Variants in DOCK8 observed in about 807,000 individuals in gnomAD.
DOCK8 encodes dedicator of cytokinesis 8.
Under a neutral mutation model 245.6 loss-of-function variants are expected in DOCK8, and 141 were observed. That is an observed-to-expected ratio of 0.57 (90% CI 0.50 to 0.66). DOCK8 has a LOEUF of 0.66. Among genes scored for constraint, DOCK8 ranks in the 30% least tolerant of loss-of-function variants. The probability of loss-of-function intolerance (pLI) is 0.00; values close to 1 mark genes in which losing one functional copy is unlikely to be tolerated. For missense variants in DOCK8, 2,965 were observed against 2,603.4 expected, an observed-to-expected ratio of 1.14 and a Z score of -3.02; for synonymous variants, 1,168 against 970.2, an observed-to-expected ratio of 1.20 and a Z score of -3.79.
chr9:449,328 C>T (rs10814959), intron 44 of DOCK8, among the ~76,000 whole-genome samples: 92,765 of 151,698 alleles, frequency 0.61, 30,419 homozygotes, highest in East Asian at 0.99. Context: ...CCAGCCTAGA[C>T]AACAAGAGCA....
intron 24 of DOCK8, among the ~76,000 whole-genome samples, chr9:391,821 C>CTT (rs373810616): frequency 1.1e-4 from 13 of 116,250 alleles, no homozygotes; most frequent in East Asian, 2.6e-4. Flanking sequence ...TTAAGTGAAT[C>CTT]TTTTTTTTTT....
chr9:441,557 G>A, intron 41 of DOCK8, 140 bp downstream of exon 41: 1 of 1,342,462 alleles, frequency 7.4e-7, no homozygotes, highest in Non-Finnish European at 1.0e-6. Flanking sequence ...AAACAGAAAA[G>A]GGCTGAAATT....
Position 334,401 on chromosome 9 carries a change from C to T in DOCK8, c.1285+17C>T, listed in dbSNP as rs749479613. On this transcript the variant is annotated intron_variant, in intron 11 of 47. Transcript: ENST00000432829. ...CTGTGGTTGGTAAGATTTTCACCTG[C>T]AGTGGGAAAGGGAGGGCTCCCCAGT... The T allele has an allele frequency of 1.2e-6, 2 of 1,610,398 alleles. No homozygotes were observed. The highest frequency in any genetic ancestry group is 1.3e-5 in the African/African-American group (1 of 74,784).
chr9:443,142 G>A (rs1470679901), intron 42 of DOCK8, among the ~76,000 whole-genome samples: 1 of 152,216 alleles, frequency 6.6e-6, no homozygotes, highest in Non-Finnish European at 1.5e-5. Context: ...AAGGCGAGAA[G>A]TAAAGAGTGT....
At chr9:372,677 G>A (rs150222390) in intron 18 of DOCK8, among the ~76,000 whole-genome samples, 39 of 152,204 alleles carry the variant, frequency 2.6e-4, no homozygotes, top group South Asian at 1.2e-3. Flanking sequence ...ACAGCCCTCC[G>A]GTAGATACCA....
chr9:299,219 A>G (rs1489173022), intron 4 of DOCK8, among the ~76,000 whole-genome samples: 1 of 152,052 alleles, frequency 6.6e-6, no homozygotes, highest in Non-Finnish European at 1.5e-5. Context: ...CAGTCACTTC[A>G]TGTACTAGGA....
At chr9:221,805 G>C (rs962782183) in intron 1 of DOCK8, among the ~76,000 whole-genome samples, 1 of 151,364 alleles carries the variant, frequency 6.6e-6, no homozygotes, top group Non-Finnish European at 1.5e-5. Context: ...CTGGGTGACA[G>C]AGTGAGACTC....
intron 1 of DOCK8, among the ~76,000 whole-genome samples, chr9:220,358 A>G (rs868847056): frequency 2.0e-5 from 3 of 152,222 alleles, no homozygotes; most frequent in Non-Finnish European, 4.4e-5. Context: ...CCATTTATGT[A>G]TATTGATGAA....
rs563130397 is a variant in DOCK8, at chr9:371,919, T to C, written c.2008-266T>C. On this transcript the variant is annotated intron_variant, in intron 17 of 47. Transcript: ENST00000432829. ...AAAGATATAAAAGGTGAAATAAACA[T>C]TGATGTTGTTCAGACACACACAAAC... Among the ~76,000 whole-genome samples, 4 of 152,270 alleles carry C rather than the reference T, an allele frequency of 2.6e-5. No individual in the cohort carries two copies. The South Asian group carries it at 8.3e-4, about 32-fold the overall frequency.
chr9:279,327 G>T (rs942537683), intron 2 of DOCK8, among the ~76,000 whole-genome samples: 1 of 152,152 alleles, frequency 6.6e-6, no homozygotes. Context: ...AGTCAACCTG[G>T]AATTTATGGC....
chr9:428,314 A>C (rs778290767), intron 34 of DOCK8, 48 bp from the exon 35 acceptor site: 2 of 1,613,354 alleles, frequency 1.2e-6, no homozygotes, highest in African/African-American at 1.3e-5. Context: ...CATCCAGTTC[A>C]TTGGCACAGT....
intron 46 of DOCK8, 116 bp downstream of exon 46, chr9:452,233 C>T: frequency 1.5e-6 from 1 of 689,430 alleles, no homozygotes; most frequent in Non-Finnish European, 2.6e-6. Flanking sequence ...TCTCAGGCAC[C>T]CTCCAGACCT....
chr9:441,127 G>A (rs2057081039), intron 40 of DOCK8, among the ~76,000 whole-genome samples, 159 bp from the exon 41 acceptor site: 1 of 152,104 alleles, frequency 6.6e-6, no homozygotes, highest in African/African-American at 2.4e-5. Context: ...GGCTACCACT[G>A]TCCCAAAAGT....
chr9:374,172 C>T (rs186986414), intron 18 of DOCK8, among the ~76,000 whole-genome samples: 43 of 152,124 alleles, frequency 2.8e-4, no homozygotes, highest in Non-Finnish European at 5.4e-4. Flanking sequence ...TTCTTACTTG[C>T]GCTATGCTGT....
At chr9:239,825 T>G (rs1360816935) in intron 1 of DOCK8, among the ~76,000 whole-genome samples, 1 of 152,200 alleles carries the variant, frequency 6.6e-6, no homozygotes, top group Admixed American at 6.5e-5. Flanking sequence ...CTTTTTTATT[T>G]AAAAAATATC....
At chr9:292,708 G>A (rs2884957) in intron 4 of DOCK8, among the ~76,000 whole-genome samples, 15,317 of 151,904 alleles carry the variant, frequency 0.1, 891 homozygotes, top group South Asian at 0.13. Flanking sequence ...GTCTTCCCCA[G>A]TATGCCTTTT....
At chr9:396,999 AG>A (rs2054494034) in intron 25 of DOCK8, 65 bp downstream of exon 25, 1 of 1,505,042 alleles carries the variant, frequency 6.6e-7, no homozygotes, top group Admixed American at 1.7e-5. Context: ...TTTCATAATC[AG>A]AGAAAAATAA....
intron 6 of DOCK8, chr9:312,847 C>CA: frequency 8.9e-5 from 16 of 178,850 alleles, no homozygotes; most frequent in South Asian, 5.0e-4. Flanking sequence ...CTCAGTTTTC[C>CA]CCTCTGCGTG....
intron 14 of DOCK8, among the ~76,000 whole-genome samples, chr9:352,823 G>C (rs1563954262): frequency 2.0e-5 from 3 of 151,986 alleles, no homozygotes; most frequent in Non-Finnish European, 1.5e-5. Context: ...GAATGGTCTG[G>C]GGATGCTACA....
Sources: gnomAD v4.1 joint callset for allele counts (sites outside exome capture counted in the v4.1 genomes callset) on GRCh38, gnomAD v4.1.1 for gene constraint, MANE v1.5 for transcripts, NCBI Gene and HGNC (gene_info 2026-07-23, HGNC 2026-07-21) for gene names.